Variants in PTPRJ observed in about 807,000 individuals in gnomAD.
PTPRJ encodes the protein protein tyrosine phosphatase receptor type J, also known as receptor-type tyrosine-protein phosphatase eta.
PTPRJ carries 129 observed loss-of-function variants against 141.3 expected under a neutral mutation model. That is an observed-to-expected ratio of 0.91 (90% CI 0.79 to 1.06). PTPRJ has a LOEUF of 1.06. PTPRJ is among the 50% of genes least tolerant of loss of function. PTPRJ has a pLI of 0.00. For missense variants in PTPRJ, 1,601 were observed against 1,679.7 expected (o/e 0.95, Z 0.82); for synonymous variants, 610 against 640.5 (o/e 0.95, Z 0.72).
intron 8 of PTPRJ, among the ~76,000 whole-genome samples, chr11:48,135,722 T>C (rs1212655595): frequency 1.3e-5 from 2 of 152,086 alleles, no homozygotes; most frequent in Non-Finnish European, 2.9e-5. Context: ...CCTCAAGTGA[T>C]CCATCTCGGC....
chr11:48,135,279 A>G (rs1285247636), intron 8 of PTPRJ, among the ~76,000 whole-genome samples: 1 of 143,356 alleles, frequency 7.0e-6, no homozygotes, highest in Non-Finnish European at 1.5e-5. Context: ...GGTTCAAGTG[A>G]TTCTCCTGCC....
At chr11:48,147,496 T>A (rs1019041441) in intron 15 of PTPRJ, among the ~76,000 whole-genome samples, 43 of 152,342 alleles carry the variant, frequency 2.8e-4, no homozygotes, top group Admixed American at 2.4e-3. Context: ...GTAGCAGCCC[T>A]GTTTTGAGTG....
chr11:48,153,288 A>C (rs1043168716), intron 18 of PTPRJ, among the ~76,000 whole-genome samples: 1 of 152,102 alleles, frequency 6.6e-6, no homozygotes, highest in African/African-American at 2.4e-5. Flanking sequence ...TAATCCCAGC[A>C]CTTTGGGAGG....
intron 1 of PTPRJ, among the ~76,000 whole-genome samples, chr11:48,056,750 C>T (rs1454553918): frequency 6.6e-6 from 1 of 152,054 alleles, no homozygotes; most frequent in Non-Finnish European, 1.5e-5. Flanking sequence ...GTCAGGAGTT[C>T]GAGACTAGCC....
intron 1 of PTPRJ, among the ~76,000 whole-genome samples, chr11:48,089,874 C>T (rs2134296932): frequency 6.6e-6 from 1 of 152,250 alleles, no homozygotes; most frequent in Non-Finnish European, 1.5e-5. Context: ...GAGCCTCGAG[C>T]CAGCCATTGA....
rs1179421939 is a variant in PTPRJ, at chr11:48,168,532, GTGTATATATATATATATA to G, written c.*1172_*1189del. On this transcript the variant is annotated 3_prime_UTR_variant, in exon 25 of 25. Coordinates refer to ENST00000418331, the MANE Select transcript of PTPRJ (RefSeq NM_002843.4). ...GCCGTGACACATATCGGAATCTACT[GTGTATATATATATATATA>G]TATATATATATATATATATATATAT... is the stretch of plus-strand genomic sequence containing the variant. 2,850 of 43,900 alleles carry G rather than the reference GTGTATATATATATATATA, an allele frequency of 0.065. 344 individuals carry two copies. The highest frequency in any genetic ancestry group is 0.089 in the Non-Finnish European group (2,054 of 23,204). 2.7% of individuals were successfully genotyped at this position (43,900 alleles called of 1,614,324 possible). A position where few individuals can be genotyped will look rare whatever the true frequency, so the allele number is the denominator to read the frequency against.
At chr11:48,129,195 G>A (rs867117056) in intron 7 of PTPRJ, among the ~76,000 whole-genome samples, 11 of 152,210 alleles carry the variant, frequency 7.2e-5, no homozygotes, top group South Asian at 2.1e-4. Context: ...AGAATCATTG[G>A]AAGAGCTGGT....
intron 8 of PTPRJ, chr11:48,132,350 GGGAGACCCTGTCTCAA>G: frequency 2.1e-6 from 2 of 973,738 alleles, no homozygotes; most frequent in African/African-American, 3.5e-5. Flanking sequence ...GCACCAGCCT[GGGAGACCCTGTCTCAA>G]AAAAAAATTT....
At chr11:48,028,619 C>T (rs1352995083) in intron 1 of PTPRJ, among the ~76,000 whole-genome samples, 1 of 152,098 alleles carries the variant, frequency 6.6e-6, no homozygotes, top group African/African-American at 2.4e-5. Flanking sequence ...GGTGAAACCC[C>T]GTCTCTACTA....
intron 1 of PTPRJ, among the ~76,000 whole-genome samples, chr11:48,097,541 AT>A (rs200794019): frequency 9.8e-4 from 143 of 145,800 alleles, no homozygotes; most frequent in Admixed American, 8.3e-4. Flanking sequence ...CCTGAAGAAA[AT>A]TTTTTTTTTT....
At chr11:48,147,007 A>G (rs1857368822) in intron 15 of PTPRJ, 44 bp downstream of exon 15, 22 of 1,531,908 alleles carry the variant, frequency 1.4e-5, no homozygotes, top group Non-Finnish European at 2.0e-5. Flanking sequence ...TATTTAAGGA[A>G]GCTTTCTATT....
chr11:48,009,589 C>G (rs959227960), intron 1 of PTPRJ, among the ~76,000 whole-genome samples: 1 of 152,024 alleles, frequency 6.6e-6, no homozygotes, highest in Non-Finnish European at 1.5e-5. Flanking sequence ...GAGCGAGACT[C>G]TGTCTCAAAA....
At chr11:48,139,840 A>C in intron 11 of PTPRJ, 64 bp downstream of exon 11, 1 of 1,525,088 alleles carries the variant, frequency 6.6e-7, no homozygotes, top group South Asian at 1.1e-5. Flanking sequence ...GCTGACCCAC[A>C]GTGGGTCTGC....
At chr11:48,142,519 T>G (rs904567917) in intron 11 of PTPRJ, among the ~76,000 whole-genome samples, 8 of 152,246 alleles carry the variant, frequency 5.3e-5, no homozygotes, top group African/African-American at 1.4e-4. Context: ...TCTTCTTTAT[T>G]TTATCGATGT....
At chr11:47,996,803 A>C (rs4752805) in intron 1 of PTPRJ, among the ~76,000 whole-genome samples, 1 of 152,110 alleles carries the variant, frequency 6.6e-6, no homozygotes, top group African/African-American at 2.4e-5. Context: ...AGCAGTCACC[A>C]AATCCTATGG....
At chr11:48,155,228 A>G (rs1415560717) in intron 19 of PTPRJ, among the ~76,000 whole-genome samples, 1 of 152,150 alleles carries the variant, frequency 6.6e-6, no homozygotes, top group Non-Finnish European at 1.5e-5. Flanking sequence ...CTGTTTTTAT[A>G]ACAACTTGTT....
chr11:48,166,812 A>C (rs1428603513), intron 24 of PTPRJ, among the ~76,000 whole-genome samples: 1 of 152,156 alleles, frequency 6.6e-6, no homozygotes, highest in African/African-American at 2.4e-5. Context: ...TCCTCGGTTG[A>C]GCATTACAGT....
intron 1 of PTPRJ, among the ~76,000 whole-genome samples, chr11:47,998,499 C>T (rs943072665): frequency 3.9e-5 from 6 of 152,164 alleles, no homozygotes; most frequent in Non-Finnish European, 1.5e-5. Flanking sequence ...GAGGGACTTG[C>T]CCAGATCCAG....
At chr11:48,052,207 A>G (rs749805863) in intron 1 of PTPRJ, among the ~76,000 whole-genome samples, 3 of 152,216 alleles carry the variant, frequency 2.0e-5, no homozygotes, top group Non-Finnish European at 2.9e-5. Context: ...GTCTACAGTG[A>G]CATCCAGCTC....
Sources: gnomAD v4.1 joint callset for allele counts (sites outside exome capture counted in the v4.1 genomes callset) on GRCh38, gnomAD v4.1.1 for gene constraint, MANE v1.5 for transcripts, NCBI Gene and HGNC (gene_info 2026-07-23, HGNC 2026-07-21) for gene names.